The following KIAA0825 variants were observed in gnomAD, a reference collection of about 807,000 sequenced individuals.
KIAA0825 encodes the protein uncharacterized protein KIAA0825.
KIAA0825 carries 119 observed loss-of-function variants against 147.6 expected under a neutral mutation model. The ratio of observed to expected loss-of-function variants is 0.81; its 90% CI spans 0.69 to 0.94. The LOEUF is 0.94. Ranked by LOEUF, KIAA0825 falls within the 40% of genes least tolerant of loss-of-function variation. The pLI, the probability that KIAA0825 is intolerant of heterozygous loss-of-function variation, is 0.00. For missense variants in KIAA0825, 1,381 were observed against 1,472.7 expected (o/e 0.94, Z 1.02); for synonymous variants, 470 against 518.1 (o/e 0.91, Z 1.26).
chr5:94,412,168 C>T (rs1312944260), intron 15 of KIAA0825, among the ~76,000 whole-genome samples: 1 of 151,982 alleles, frequency 6.6e-6, no homozygotes, highest in East Asian at 1.9e-4. Context: ...AGATATTTTA[C>T]AAAAGAATAT....
At chr5:94,483,321 A>G (rs569528649) in intron 6 of KIAA0825, among the ~76,000 whole-genome samples, 4 of 152,150 alleles carry the variant, frequency 2.6e-5, no homozygotes, top group African/African-American at 9.6e-5. Flanking sequence ...GATGTTTTGA[A>G]GTTCATTCTG....
At chr5:94,492,460 C>T (rs1027849193) in intron 5 of KIAA0825, among the ~76,000 whole-genome samples, 1 of 152,216 alleles carries the variant, frequency 6.6e-6, no homozygotes, top group Non-Finnish European at 1.5e-5. Flanking sequence ...CCTATTTTGC[C>T]TTGCACAACC....
chr5:94,410,607 T>C (rs1003309795), intron 15 of KIAA0825, among the ~76,000 whole-genome samples: 2 of 152,124 alleles, frequency 1.3e-5, no homozygotes, highest in African/African-American at 4.8e-5. Flanking sequence ...AGAAGACATA[T>C]TACATAAAAG....
chr5:94,531,926 T>C (rs891390780), intron 3 of KIAA0825, among the ~76,000 whole-genome samples: 1 of 152,190 alleles, frequency 6.6e-6, no homozygotes, highest in African/African-American at 2.4e-5. Context: ...AATATATTAA[T>C]ATTTGTGTGT....
At chr5:94,375,323 A>G (rs750843114) in intron 20 of KIAA0825, among the ~76,000 whole-genome samples, 1 of 151,594 alleles carries the variant, frequency 6.6e-6, no homozygotes, top group African/African-American at 2.4e-5. Context: ...GAGCCACCAC[A>G]CCCGGCCAAA....
intron 5 of KIAA0825, among the ~76,000 whole-genome samples, chr5:94,511,849 C>T (rs1766525407): frequency 6.6e-6 from 1 of 151,606 alleles, no homozygotes; most frequent in Non-Finnish European, 1.5e-5. Context: ...ATTAGCTGGG[C>T]ATGGTGGCGG....
intron 15 of KIAA0825, chr5:94,413,621 G>A (rs928709863): frequency 6.6e-6 from 1 of 152,074 alleles, no homozygotes; most frequent in Non-Finnish European, 1.5e-5. Flanking sequence ...TGTCTTCCTG[G>A]GGCTGAGAGT....
chr5:94,491,524 C>T (rs1044249493), intron 5 of KIAA0825, among the ~76,000 whole-genome samples: 2 of 152,092 alleles, frequency 1.3e-5, no homozygotes, highest in Non-Finnish European at 1.5e-5. Context: ...AAGAACAGAA[C>T]GCAAACACCA....
chr5:94,310,106 CACA>C (rs1779025664), intron 20 of KIAA0825, among the ~76,000 whole-genome samples: 1 of 151,498 alleles, frequency 6.6e-6, no homozygotes, highest in Non-Finnish European at 1.5e-5. Flanking sequence ...AAAAATTGGC[CACA>C]TATACTAAGT....
chr5:94,227,412 G>T (rs1374871615), intron 20 of KIAA0825, among the ~76,000 whole-genome samples: 1 of 151,928 alleles, frequency 6.6e-6, no homozygotes, highest in Non-Finnish European at 1.5e-5. Context: ...TGGGGGAAGT[G>T]GGGAGGGATA....
At chr5:94,159,618 T>C (rs1212908318) in intron 20 of KIAA0825, among the ~76,000 whole-genome samples, 2 of 152,184 alleles carry the variant, frequency 1.3e-5, no homozygotes, top group African/African-American at 4.8e-5. Flanking sequence ...TATATGTATA[T>C]GTATATGATC....
At chr5:94,480,110 C>T (rs774401406) in intron 6 of KIAA0825, among the ~76,000 whole-genome samples, 73 of 151,792 alleles carry the variant, frequency 4.8e-4, no homozygotes, top group Non-Finnish European at 9.4e-4. Flanking sequence ...CAGATATAGT[C>T]GTGTACATAT....
chr5:94,385,068 T>A (rs1176106647), intron 19 of KIAA0825, among the ~76,000 whole-genome samples: 2 of 152,160 alleles, frequency 1.3e-5, no homozygotes, highest in Non-Finnish European at 2.9e-5. Flanking sequence ...ATCTCATAAT[T>A]CAGAACTCAA....
intron 10 of KIAA0825, among the ~76,000 whole-genome samples, chr5:94,465,670 T>G (rs984167281): frequency 1.3e-5 from 2 of 152,228 alleles, no homozygotes; most frequent in Non-Finnish European, 2.9e-5. Context: ...AGTCTGAGTT[T>G]ACAAGATTTT....
At position 94,494,197 on chromosome 5, in the gene KIAA0825, C is replaced by T. The variant is rs189717640; in HGVS notation, c.971-9267G>A. ...TACTGCTCAATGATAACAAAATTCT[C>T]CCACACTCCATTCCCTCTTCTCTGG... On this transcript the variant is annotated intron_variant, in intron 5 of 20. Transcript: ENST00000682413. 2.1e-4 allele frequency among the ~76,000 whole-genome samples: 32 copies of T among 152,234 alleles called. No homozygotes were observed. In the East Asian group the frequency reaches 5.8e-3, roughly 28 times the overall value.
chr5:94,427,183 G>A (rs946520856), intron 14 of KIAA0825, among the ~76,000 whole-genome samples: 2 of 152,170 alleles, frequency 1.3e-5, no homozygotes, highest in Non-Finnish European at 2.9e-5. Flanking sequence ...GTAGGTGTCA[G>A]CTTTTCATAA....
intron 20 of KIAA0825, among the ~76,000 whole-genome samples, chr5:94,270,315 A>G (rs1776928634): frequency 1.3e-5 from 2 of 152,124 alleles, no homozygotes. Flanking sequence ...CTCATTTTCA[A>G]TAAAAGTGCT....
At chr5:94,320,921 T>A (rs1472464210) in intron 20 of KIAA0825, among the ~76,000 whole-genome samples, 1 of 152,080 alleles carries the variant, frequency 6.6e-6, no homozygotes, top group African/African-American at 2.4e-5. Flanking sequence ...CAGTTAAGAC[T>A]TTTAAAAGTA....
intron 3 of KIAA0825, among the ~76,000 whole-genome samples, chr5:94,531,811 C>A (rs899964519): frequency 6.6e-6 from 1 of 152,138 alleles, no homozygotes. Context: ...TAATTTGCAT[C>A]TTCTTATTAT....
Sources: gnomAD v4.1 joint callset for allele counts (sites outside exome capture counted in the v4.1 genomes callset) on GRCh38, gnomAD v4.1.1 for gene constraint, MANE v1.5 for transcripts, NCBI Gene and HGNC (gene_info 2026-07-23, HGNC 2026-07-21) for gene names.